The following NRG3 variants were observed in gnomAD, a reference collection of about 807,000 sequenced individuals.
NRG3 encodes the protein pro-neuregulin-3, membrane-bound isoform.
A neutral mutation model predicts 66.9 loss-of-function variants in NRG3; 31 were observed. That is an observed-to-expected ratio of 0.46 (90% CI 0.35 to 0.63). NRG3 has a LOEUF of 0.63. NRG3 is among the 20% of genes least tolerant of loss of function. The probability of loss-of-function intolerance (pLI) is 0.00; values close to 1 mark genes in which losing one functional copy is unlikely to be tolerated. For synonymous variants in NRG3, 393 were observed against 359.4 expected, an observed-to-expected ratio of 1.09 and a Z score of -1.06; for missense variants, 910 against 878.9, an observed-to-expected ratio of 1.04 and a Z score of -0.45.
chr10:82,254,640 A>G (rs1304035549), intron 1 of NRG3, among the ~76,000 whole-genome samples: 1 of 149,548 alleles, frequency 6.7e-6, no homozygotes, highest in Admixed American at 6.8e-5. Flanking sequence ...AGGAAGTGCT[A>G]AAAACAAAAC....
intron 2 of NRG3, among the ~76,000 whole-genome samples, chr10:82,541,500 A>G (rs765174574): frequency 1.4e-4 from 22 of 152,102 alleles, no homozygotes; most frequent in Non-Finnish European, 2.2e-4. Flanking sequence ...TCGATTGAGC[A>G]AGCAGGGGGT....
rs1341247087 is a variant in NRG3 at position 82,338,088 on chromosome 10, ATGAG to A, written c.824-20648_824-20645del. ...TAAGACAAACATGACTGAATAAAGC[ATGAG>A]TGTGCCCCTCTCCTCTCTGGAAAAA... On this transcript the variant is annotated intron_variant, in intron 1 of 8. Coordinates refer to ENST00000372141, the MANE Select transcript of NRG3 (RefSeq NM_001010848.4). Among the ~76,000 whole-genome samples the A allele has an allele frequency of 2.0e-5, 3 of 152,212 alleles. No individual in the cohort carries two copies. In the East Asian group the frequency reaches 5.8e-4, roughly 29 times the overall value.
At chr10:82,726,818 G>A (rs2057629903) in intron 2 of NRG3, among the ~76,000 whole-genome samples, 1 of 152,154 alleles carries the variant, frequency 6.6e-6, no homozygotes, top group African/African-American at 2.4e-5. Flanking sequence ...GGAAAGTTTG[G>A]AACTTCCTAG....
chr10:82,955,024 C>G (rs999055678), intron 5 of NRG3, among the ~76,000 whole-genome samples: 3 of 151,902 alleles, frequency 2.0e-5, no homozygotes, highest in African/African-American at 7.3e-5. Flanking sequence ...TTCACTTGAA[C>G]CTCCATTCGA....
At chr10:82,727,415 A>G (rs572044836) in intron 2 of NRG3, among the ~76,000 whole-genome samples, 1 of 152,342 alleles carries the variant, frequency 6.6e-6, no homozygotes, top group East Asian at 1.9e-4. Context: ...CAGCTGCTCC[A>G]GCCATGACTA....
At chr10:81,979,380 C>A (rs1013402312) in intron 1 of NRG3, among the ~76,000 whole-genome samples, 1 of 151,852 alleles carries the variant, frequency 6.6e-6, no homozygotes. Context: ...CTAATGGGAG[C>A]ATTTTTGGGA....
chr10:82,207,097 G>C (rs2075156471), intron 1 of NRG3, among the ~76,000 whole-genome samples: 1 of 152,062 alleles, frequency 6.6e-6, no homozygotes, highest in African/African-American at 2.4e-5. Context: ...TAGTCTTTCT[G>C]GATGAGTTGT....
chr10:82,052,851 A>T (rs572341267), intron 1 of NRG3, among the ~76,000 whole-genome samples: 2 of 152,206 alleles, frequency 1.3e-5, no homozygotes, highest in African/African-American at 4.8e-5. Flanking sequence ...AAGGAAAAAA[A>T]GTTTTCTTTT....
intron 4 of NRG3, among the ~76,000 whole-genome samples, chr10:82,892,181 G>A (rs76048332): frequency 0.047 from 7,090 of 151,896 alleles, 210 homozygotes; most frequent in Middle Eastern, 0.1. Flanking sequence ...TTAAATTCAC[G>A]TTTATAATTG....
chr10:82,711,042 G>T (rs1304393869), intron 2 of NRG3, among the ~76,000 whole-genome samples: 1 of 152,070 alleles, frequency 6.6e-6, no homozygotes, highest in Non-Finnish European at 1.5e-5. Flanking sequence ...AAGTTGGTGG[G>T]ATTACAGTCC....
In NRG3 at chr10:82,378,329, G is replaced by A. The variant is rs561665977; in HGVS notation, c.953+19461G>A. 3.3e-5 allele frequency among the ~76,000 whole-genome samples: 5 copies of A among 152,292 alleles called. No homozygotes were observed. In the East Asian group the frequency reaches 9.7e-4, roughly 30 times the overall value. On this transcript the variant is annotated intron_variant, in intron 2 of 8. Coordinates refer to ENST00000372141, the MANE Select transcript of NRG3 (RefSeq NM_001010848.4). ...GAACTTGGAGTACGTGTGATTTGAA[G>A]CCTAGAGCAGGAGGCAGCTCATGGG...
chr10:82,858,893 G>A (rs1450411436), intron 3 of NRG3, among the ~76,000 whole-genome samples: 1 of 151,686 alleles, frequency 6.6e-6, no homozygotes, highest in Non-Finnish European at 1.5e-5. Flanking sequence ...AGGGAATTGG[G>A]GGATTCTTGC....
At chr10:82,441,588 C>T (rs906931209) in intron 2 of NRG3, among the ~76,000 whole-genome samples, 4 of 151,972 alleles carry the variant, frequency 2.6e-5, no homozygotes, top group Admixed American at 6.6e-5. Flanking sequence ...GAAAATGAAC[C>T]GGCCCGCACA....
chr10:82,001,282 C>T (rs1039268746), intron 1 of NRG3, among the ~76,000 whole-genome samples: 5 of 151,594 alleles, frequency 3.3e-5, no homozygotes, highest in Admixed American at 1.3e-4. Context: ...ATGGGCAGAT[C>T]GCTCGAGGTC....
At chr10:81,895,490 G>A (rs910433649) in intron 1 of NRG3, among the ~76,000 whole-genome samples, 2 of 152,114 alleles carry the variant, frequency 1.3e-5, no homozygotes, top group African/African-American at 2.4e-5. Context: ...TAATGTGGAT[G>A]TTATCTTGTT....
intron 2 of NRG3, among the ~76,000 whole-genome samples, chr10:82,607,061 C>A (rs534007278): frequency 6.6e-6 from 1 of 152,132 alleles, no homozygotes; most frequent in Non-Finnish European, 1.5e-5. Flanking sequence ...AATTATTAAA[C>A]GCTTTCTCTG....
intron 1 of NRG3, among the ~76,000 whole-genome samples, chr10:81,987,509 A>G (rs2060572060): frequency 1.3e-5 from 2 of 152,248 alleles, no homozygotes. Context: ...AAGCAAATCA[A>G]CCTGATGTGA....
chr10:82,465,578 T>C (rs540425119), intron 2 of NRG3, among the ~76,000 whole-genome samples: 1 of 152,230 alleles, frequency 6.6e-6, no homozygotes, highest in Admixed American at 6.5e-5. Flanking sequence ...GGATGGGCTG[T>C]TTATGAGTAG....
intron 1 of NRG3, among the ~76,000 whole-genome samples, chr10:82,108,830 C>A (rs1163913666): frequency 1.3e-5 from 2 of 152,128 alleles, no homozygotes; most frequent in African/African-American, 4.8e-5. Context: ...CAGAAGAGTA[C>A]CATGTGGCCA....
Sources: allele counts gnomAD v4.1 joint callset (sites outside exome capture counted in the v4.1 genomes callset), GRCh38; gene constraint gnomAD v4.1.1; transcripts MANE v1.5; gene names NCBI Gene and HGNC (gene_info 2026-07-23, HGNC 2026-07-21).